Variants in MDGA2 observed in about 807,000 individuals in gnomAD.
The protein encoded by MDGA2 is MAM domain-containing glycosylphosphatidylinositol anchor protein 2.
A neutral mutation model predicts 117.8 loss-of-function variants in MDGA2; 40 were observed. That is an observed-to-expected ratio of 0.34 (90% CI 0.26 to 0.44). MDGA2 has a LOEUF of 0.44. Ranked by LOEUF, MDGA2 falls within the 20% of genes least tolerant of loss-of-function variation. MDGA2 has a pLI of 1.00. For synonymous variants in MDGA2, 452 were observed against 439.0 expected, an observed-to-expected ratio of 1.03 and a Z score of -0.37; for missense variants, 1,123 against 1,250.6, an observed-to-expected ratio of 0.90 and a Z score of 1.54.
intron 3 of MDGA2, among the ~76,000 whole-genome samples, chr14:47,207,354 T>G (rs1885723453): frequency 6.6e-6 from 1 of 151,876 alleles, no homozygotes; most frequent in Non-Finnish European, 1.5e-5. Context: ...AGAATGTAAA[T>G]TTTTAGCGGC....
chr14:46,918,758 A>ATTTTTTTTTTTTTTTTTT (rs1884000042), intron 10 of MDGA2, among the ~76,000 whole-genome samples: 1 of 108,662 alleles, frequency 9.2e-6, no homozygotes. Flanking sequence ...CATACAGTGT[A>ATTTTTTTTTTTTTTTTTT]TCTTTTTTTT....
intron 10 of MDGA2, among the ~76,000 whole-genome samples, chr14:46,902,747 G>C (rs1442694782): frequency 6.6e-6 from 1 of 152,152 alleles, no homozygotes; most frequent in Non-Finnish European, 1.5e-5. Context: ...AGAATCTGCT[G>C]TATGTTCAAG....
chr14:46,931,144 G>T (rs1884556003), intron 9 of MDGA2, among the ~76,000 whole-genome samples: 2 of 147,980 alleles, frequency 1.4e-5, no homozygotes, highest in Admixed American at 1.4e-4. Flanking sequence ...GAACCAGGGA[G>T]GAGGTGGTTA....
intron 2 of MDGA2, 51 bp from the exon 3 acceptor site, chr14:47,218,246 G>T: frequency 1.4e-6 from 2 of 1,414,668 alleles, no homozygotes; most frequent in Non-Finnish European, 9.4e-7. Flanking sequence ...TTCCCACAGA[G>T]AAATCAAATA....
intron 1 of MDGA2, among the ~76,000 whole-genome samples, chr14:47,478,772 G>C (rs1259240657): frequency 6.6e-6 from 1 of 152,172 alleles, no homozygotes; most frequent in Non-Finnish European, 1.5e-5. Flanking sequence ...AAAATCTCCT[G>C]TGAGTTAGAG....
In MDGA2 at chr14:46,873,423, G is replaced by C. The variant is rs1382317867; in HGVS notation, c.2752+10C>G. On this transcript the variant is annotated intron_variant, in intron 14 of 16. Transcript: ENST00000399232. ...AATTTTGTAAGAATCAGTAATTATTGCTATCTCACCTATATGTTGTCCATA... is the reference window on the plus strand; with the variant it reads ...AATTTTGTAAGAATCAGTAATTATTCCTATCTCACCTATATGTTGTCCATA... The C allele has an allele frequency of 6.4e-7, 1 of 1,572,908 alleles. No individual in the cohort carries two copies. The highest frequency in any genetic ancestry group is 1.8e-5 in the Admixed American group (1 of 55,294).
intron 1 of MDGA2, among the ~76,000 whole-genome samples, chr14:47,438,428 G>A (rs1003089740): frequency 2.0e-5 from 3 of 152,134 alleles, no homozygotes; most frequent in Non-Finnish European, 4.4e-5. Flanking sequence ...TTCTGACCTT[G>A]CAGCCTAGCA....
chr14:46,997,800 G>A (rs569133337), intron 8 of MDGA2, among the ~76,000 whole-genome samples: 1 of 152,142 alleles, frequency 6.6e-6, no homozygotes, highest in South Asian at 2.1e-4. Context: ...CTGTTGTATT[G>A]TAAAAAAATG....
intron 3 of MDGA2, among the ~76,000 whole-genome samples, chr14:47,204,280 G>T (rs1448352056): frequency 6.6e-6 from 1 of 151,974 alleles, no homozygotes; most frequent in African/African-American, 2.4e-5. Context: ...ACTTACCATG[G>T]AGAGAAAATT....
At chr14:47,662,276 A>G (rs1006487199) in intron 1 of MDGA2, among the ~76,000 whole-genome samples, 5 of 150,878 alleles carry the variant, frequency 3.3e-5, no homozygotes, top group African/African-American at 1.2e-4. Flanking sequence ...GCACTCTTAT[A>G]TACTCTTAAC....
chr14:47,045,382 A>T (rs565370917), intron 7 of MDGA2, among the ~76,000 whole-genome samples: 1 of 152,106 alleles, frequency 6.6e-6, no homozygotes, highest in Non-Finnish European at 1.5e-5. Context: ...GAATGTCCTA[A>T]ACTCTTTGGA....
chr14:47,607,195 TC>T (rs1313102497), intron 1 of MDGA2, among the ~76,000 whole-genome samples: 1 of 152,158 alleles, frequency 6.6e-6, no homozygotes, highest in African/African-American at 2.4e-5. Context: ...CTGACATTCA[TC>T]TCCAGATATG....
intron 10 of MDGA2, among the ~76,000 whole-genome samples, chr14:46,889,899 T>C (rs1882814880): frequency 6.6e-6 from 1 of 152,042 alleles, no homozygotes; most frequent in African/African-American, 2.4e-5. Context: ...CCTTCTTTCC[T>C]ACTCTGGTGG....
chr14:46,870,013 T>C (rs1829425949), intron 14 of MDGA2, among the ~76,000 whole-genome samples: 1 of 151,972 alleles, frequency 6.6e-6, no homozygotes, highest in African/African-American at 2.4e-5. Context: ...GGAAGGACTA[T>C]AACCTTAGGA....
chr14:47,188,929 C>CAAGTAAAAGGATGA (rs1449405935), intron 3 of MDGA2, among the ~76,000 whole-genome samples: 1 of 152,122 alleles, frequency 6.6e-6, no homozygotes, highest in Non-Finnish European at 1.5e-5. Context: ...TACTGAACTT[C>CAAGTAAAAGGATGA]AAGTAAAAGG....
intron 3 of MDGA2, among the ~76,000 whole-genome samples, chr14:47,182,742 A>T (rs1884758841): frequency 1.3e-5 from 2 of 152,202 alleles, no homozygotes; most frequent in Non-Finnish European, 2.9e-5. Context: ...AAATAACACC[A>T]ACAATTACAA....
At chr14:47,338,905 T>C (rs1418996449) in intron 1 of MDGA2, among the ~76,000 whole-genome samples, 6 of 152,144 alleles carry the variant, frequency 3.9e-5, no homozygotes, top group Admixed American at 6.6e-5. Flanking sequence ...GTTCATATGA[T>C]GTACAGTCCT....
chr14:47,516,750 G>A (rs1216019728), intron 1 of MDGA2, among the ~76,000 whole-genome samples: 1 of 152,080 alleles, frequency 6.6e-6, no homozygotes, highest in African/African-American at 2.4e-5. Context: ...ATGACATCAG[G>A]AACCTTTAGA....
At chr14:47,588,827 A>G (rs1322315199) in intron 1 of MDGA2, among the ~76,000 whole-genome samples, 6 of 151,948 alleles carry the variant, frequency 3.9e-5, no homozygotes, top group Non-Finnish European at 8.8e-5. Context: ...TTATCATATT[A>G]CAGTTCTAGG....
Sources: gnomAD v4.1 joint callset for allele counts (sites outside exome capture counted in the v4.1 genomes callset) on GRCh38, gnomAD v4.1.1 for gene constraint, MANE v1.5 for transcripts, NCBI Gene and HGNC (gene_info 2026-07-23, HGNC 2026-07-21) for gene names.